The following MROH9 variants were observed in gnomAD, a reference collection of about 807,000 sequenced individuals.
The protein encoded by MROH9 is maestro heat like repeat family member 9.
A neutral mutation model predicts 98.2 loss-of-function variants in MROH9; 92 were observed. That is an observed-to-expected ratio of 0.94 (90% CI 0.79 to 1.11). MROH9 has a LOEUF of 1.11. Among genes scored for constraint, MROH9 ranks in the 50% most tolerant of loss-of-function variants. The pLI, the probability that MROH9 is intolerant of heterozygous loss-of-function variation, is 0.00. For synonymous variants in MROH9, 397 were observed against 368.9 expected, an observed-to-expected ratio of 1.08 and a Z score of -0.87; for missense variants, 1,057 against 1,014.8, an observed-to-expected ratio of 1.04 and a Z score of -0.57.
intron 3 of MROH9, among the ~76,000 whole-genome samples, chr1:170,956,789 C>T (rs997723986): frequency 2.0e-5 from 3 of 151,848 alleles, no homozygotes; most frequent in Admixed American, 2.0e-4. Flanking sequence ...TAAACGATCA[C>T]ATCGTCAGCA....
Position 170,998,267 on chromosome 1 carries a change from T to C in MROH9, c.1589T>C (p.Leu530Pro), listed in dbSNP as rs1389650191. 5.0e-6 allele frequency: 8 copies of C among 1,613,560 alleles called. No homozygotes were observed. Among genetic ancestry groups the C allele is most frequent in the Non-Finnish European group, 6.8e-6 (8 of 1,179,660 alleles). Residue 530 changes from leucine (L) to proline (P), a missense_variant, in exon 15 of 22, where the codon CTC (leucine) becomes CCC (proline). By Grantham distance (98) the Leu-to-Pro change is moderately conservative. Coordinates refer to ENST00000367759, the MANE Select transcript of MROH9 (RefSeq NM_001163629.2). ...GACACTGTCATCGTATTAATATTCC[T>C]CACTGAAGTGAGTTTTGTAGACTGT... ...SEDTVIVLIF[L>P]TELLNNFFKD... is the part of the protein sequence containing the mutation.
Position 170,972,807 on chromosome 1 carries a change from G to A in MROH9, c.616+924G>A, listed in dbSNP as rs796111156. On this transcript the variant is annotated intron_variant, in intron 8 of 21. Transcript: ENST00000367759. ...AGCGTGGGTGACAGAGCAAGACTCC[G>A]CCTCAAAAAAAAAAAAAAAAATACA... is the stretch of plus-strand genomic sequence containing the variant. Among the ~76,000 whole-genome samples the A allele has an allele frequency of 5.0e-3, 474 of 95,290 alleles. 2 individuals carry two copies. The highest frequency in any genetic ancestry group is 0.028 in the Middle Eastern group (4 of 142). The allele number at this position is 95,290 out of a possible 152,430, so 62.5% of individuals were successfully genotyped here.
intron 20 of MROH9, among the ~76,000 whole-genome samples, chr1:171,031,112 G>A (rs751076781): frequency 4.6e-5 from 7 of 151,690 alleles, no homozygotes; most frequent in East Asian, 1.9e-4. Context: ...CAACCCCTGC[G>A]GTTTTTTTGC....
chr1:170,988,436 C>G (rs1651231222), intron 10 of MROH9, among the ~76,000 whole-genome samples: 1 of 152,148 alleles, frequency 6.6e-6, no homozygotes, highest in Admixed American at 6.6e-5. Flanking sequence ...GAGTTCTCTT[C>G]TAGTGAAGTG....
chr1:170,968,320 G>A (rs1360769661), intron 7 of MROH9, among the ~76,000 whole-genome samples: 1 of 152,162 alleles, frequency 6.6e-6, no homozygotes, highest in Non-Finnish European at 1.5e-5. Context: ...GACAGAAGTT[G>A]AGAATTTTTC....
Position 170,945,503 on chromosome 1 carries a change from C to T in MROH9, c.-37-17C>T, listed in dbSNP as rs1446998392. 20 of 1,586,196 alleles carry T rather than the reference C, an allele frequency of 1.3e-5. No individual in the cohort carries two copies. Among genetic ancestry groups the T allele is most frequent in the Middle Eastern group, 1.7e-4 (1 of 6,002 alleles). ...AAAGTTTCTGGTTTATGTACTAATA[C>T]GTGATATTTTTTGCAGCATTACTAG... On this transcript the variant is annotated splice_polypyrimidine_tract_variant and intron_variant, in intron 1 of 21. Coordinates refer to ENST00000367759, the MANE Select transcript of MROH9 (RefSeq NM_001163629.2).
intron 3 of MROH9, among the ~76,000 whole-genome samples, chr1:170,954,414 A>G (rs1649680955): frequency 6.6e-6 from 1 of 152,076 alleles, no homozygotes; most frequent in South Asian, 2.1e-4. Context: ...GAGGACACTT[A>G]GGTTGATTCC....
At chr1:171,014,942 G>A in intron 16 of MROH9, 1 of 470,872 alleles carries the variant, frequency 2.1e-6, no homozygotes, top group Non-Finnish European at 4.4e-6. Flanking sequence ...TGTTATTCAA[G>A]TTAAAGCTGA....
chr1:170,995,576 C>T, intron 13 of MROH9, 45 bp downstream of exon 13: 1 of 1,603,930 alleles, frequency 6.2e-7, no homozygotes, highest in South Asian at 1.1e-5. Context: ...AGATAAGCGT[C>T]CAGCTGTCAA....
At chr1:171,047,833 T>C (rs1304263912) in intron 20 of MROH9, among the ~76,000 whole-genome samples, 1 of 152,166 alleles carries the variant, frequency 6.6e-6, no homozygotes, top group Non-Finnish European at 1.5e-5. Context: ...TGAAAGGACT[T>C]AGGTGTTGTA....
At chr1:170,940,371 G>A (rs7537467) in intron 1 of MROH9, among the ~76,000 whole-genome samples, 53,900 of 151,914 alleles carry the variant, frequency 0.35, 9,824 homozygotes, top group Middle Eastern at 0.45. Flanking sequence ...GCATAATGTC[G>A]CCAATATAAT....
chr1:171,060,190 A>G (rs1010495067), intron 20 of MROH9, among the ~76,000 whole-genome samples: 9 of 152,194 alleles, frequency 5.9e-5, no homozygotes, highest in African/African-American at 2.2e-4. Context: ...CCAATACAAT[A>G]GCACCAAAAA....
chr1:170,947,710 ATT>A (rs977685255), intron 3 of MROH9, 137 bp downstream of exon 3: 11 of 724,880 alleles, frequency 1.5e-5, no homozygotes, highest in Non-Finnish European at 2.4e-5. Flanking sequence ...AAAAAAGGCA[ATT>A]TGGTTAAAAA....
intron 15 of MROH9, among the ~76,000 whole-genome samples, chr1:171,001,599 C>T (rs1026633439): frequency 6.6e-6 from 1 of 152,026 alleles, no homozygotes; most frequent in Non-Finnish European, 1.5e-5. Context: ...TCACTGTGGT[C>T]TGAGAGAGTG....
intron 8 of MROH9, among the ~76,000 whole-genome samples, chr1:170,973,650 C>A (rs1650566813): frequency 6.6e-6 from 1 of 152,128 alleles, no homozygotes; most frequent in Non-Finnish European, 1.5e-5. Context: ...CCGAGGCGGG[C>A]AGATCACCTG....
chr1:170,953,507 G>A (rs1649635904), intron 3 of MROH9, among the ~76,000 whole-genome samples: 1 of 151,914 alleles, frequency 6.6e-6, no homozygotes, highest in Non-Finnish European at 1.5e-5. Context: ...TTGTGTAGGT[G>A]CAAGGTAAAG....
At chr1:171,027,706 G>A (rs898555970) in intron 20 of MROH9, among the ~76,000 whole-genome samples, 1 of 152,062 alleles carries the variant, frequency 6.6e-6, no homozygotes, top group African/African-American at 2.4e-5. Context: ...CCACAGCCTT[G>A]CCACCATCTA....
intron 8 of MROH9, among the ~76,000 whole-genome samples, chr1:170,982,664 C>A (rs1650980752): frequency 6.6e-6 from 1 of 152,062 alleles, no homozygotes; most frequent in African/African-American, 2.4e-5. Context: ...CCTGGGCGGG[C>A]AGATTACTTG....
intron 17 of MROH9, among the ~76,000 whole-genome samples, chr1:171,017,623 G>A (rs1270820117): frequency 6.6e-6 from 1 of 151,796 alleles, no homozygotes; most frequent in African/African-American, 2.4e-5. Flanking sequence ...CTGGCACTCA[G>A]ACTGATAGCC....
Sources: allele counts gnomAD v4.1 joint callset (sites outside exome capture counted in the v4.1 genomes callset), GRCh38; gene constraint gnomAD v4.1.1; transcripts MANE v1.5; gene names NCBI Gene and HGNC (gene_info 2026-07-23, HGNC 2026-07-21).